The following RABGAP1L variants were observed in gnomAD, a reference collection of about 807,000 sequenced individuals.
RABGAP1L encodes the protein RAB GTPase activating protein 1 like, also known as rab GTPase-activating protein 1-like.
Under a neutral mutation model 137.7 loss-of-function variants are expected in RABGAP1L, and 63 were observed. The observed-to-expected ratio is 0.46, with a 90% CI of 0.37 to 0.56. The LOEUF (loss-of-function observed/expected upper bound fraction) is 0.56, where lower values mean the gene tolerates loss of function less well. RABGAP1L is among the 20% of genes least tolerant of loss of function. RABGAP1L has a pLI of 0.00. For synonymous variants in RABGAP1L, 431 were observed against 433.7 expected (o/e 0.99, Z 0.08); for missense variants, 1,095 against 1,244.0 (o/e 0.88, Z 1.80).
At chr1:174,341,292 A>AT (rs1681951261) in intron 11 of RABGAP1L, among the ~76,000 whole-genome samples, 1 of 152,204 alleles carries the variant, frequency 6.6e-6, no homozygotes, top group Admixed American at 6.5e-5. Context: ...CAAATTCTGA[A>AT]TGCTAATATG....
At chr1:174,553,240 CA>C (rs1666670403) in intron 13 of RABGAP1L, among the ~76,000 whole-genome samples, 1 of 152,276 alleles carries the variant, frequency 6.6e-6, no homozygotes, top group Admixed American at 6.5e-5. Flanking sequence ...AATTAGATCC[CA>C]TTTGTTGATT....
At chr1:174,716,498 G>T (rs1558012412) in intron 17 of RABGAP1L, among the ~76,000 whole-genome samples, 1 of 151,894 alleles carries the variant, frequency 6.6e-6, no homozygotes, top group African/African-American at 2.4e-5. Flanking sequence ...ATTTATCCAG[G>T]GCTTCTTAAC....
intron 3 of RABGAP1L, among the ~76,000 whole-genome samples, chr1:174,230,606 G>T (rs998291679): frequency 5.3e-5 from 8 of 152,116 alleles, no homozygotes. Flanking sequence ...AATTCCTTGT[G>T]AGTAATCTGT....
intron 13 of RABGAP1L, among the ~76,000 whole-genome samples, chr1:174,600,807 G>C (rs1227385143): frequency 6.6e-6 from 1 of 152,192 alleles, no homozygotes; most frequent in Non-Finnish European, 1.5e-5. Flanking sequence ...GGTGCAAACT[G>C]TCCGTGGATC....
chr1:174,690,736 C>G (rs1678808554), intron 15 of RABGAP1L, among the ~76,000 whole-genome samples: 1 of 150,846 alleles, frequency 6.6e-6, no homozygotes, highest in Non-Finnish European at 1.5e-5. Context: ...AGACAAATGA[C>G]TAGAAGTTTT....
intron 19 of RABGAP1L, among the ~76,000 whole-genome samples, chr1:174,885,975 TAAAAA>T (rs1482525947): frequency 6.8e-6 from 1 of 147,578 alleles, no homozygotes; most frequent in Non-Finnish European, 1.5e-5. Flanking sequence ...TCAAAAAAAA[TAAAAA>T]CAAAACGATG....
intron 17 of RABGAP1L, among the ~76,000 whole-genome samples, chr1:174,713,892 T>C (rs1222290905): frequency 6.6e-6 from 1 of 152,248 alleles, no homozygotes; most frequent in Non-Finnish European, 1.5e-5. Context: ...CCCACTTGTC[T>C]TCCTGTCATT....
intron 6 of RABGAP1L, among the ~76,000 whole-genome samples, chr1:174,251,896 C>T (rs1212758072): frequency 6.6e-6 from 1 of 150,394 alleles, no homozygotes; most frequent in South Asian, 2.1e-4. Context: ...ATCATGTTGT[C>T]ATTTTTTTTT....
Position 174,581,691 on chromosome 1 carries a change from C to T in RABGAP1L, c.1711-55684C>T, listed in dbSNP as rs545540670. On this transcript the variant is annotated intron_variant, in intron 13 of 25. Coordinates refer to ENST00000681986, the MANE Select transcript of RABGAP1L (RefSeq NM_001366446.1). Reference sequence around the variant, plus strand: ...TACGCTTTAAACGGGTAAATTTTTTCGTATGTGAATTTTATCTTAATAAAT... The same window carrying T: ...TACGCTTTAAACGGGTAAATTTTTTTGTATGTGAATTTTATCTTAATAAAT... 1.9e-4 allele frequency among the ~76,000 whole-genome samples: 29 copies of T among 152,004 alleles called. 2 individuals are homozygous for T. The South Asian group carries it at 6.0e-3, about 32-fold the overall frequency.
At chr1:174,317,741 A>G (rs960298031) in intron 11 of RABGAP1L, among the ~76,000 whole-genome samples, 5 of 152,166 alleles carry the variant, frequency 3.3e-5, no homozygotes, top group Admixed American at 6.5e-5. Flanking sequence ...CTTATGGTCT[A>G]GACTGCCTTT....
intron 13 of RABGAP1L, among the ~76,000 whole-genome samples, chr1:174,530,886 A>AT (rs898950547): frequency 2.6e-5 from 4 of 151,450 alleles, no homozygotes; most frequent in Non-Finnish European, 5.9e-5. Flanking sequence ...AGCTTGTGGA[A>AT]TTTTTTTTTA....
At chr1:174,490,561 G>C (rs139844293) in intron 13 of RABGAP1L, among the ~76,000 whole-genome samples, 1 of 152,124 alleles carries the variant, frequency 6.6e-6, no homozygotes, top group Non-Finnish European at 1.5e-5. Context: ...TCAAGGCCCA[G>C]TATAACCACT....
intron 11 of RABGAP1L, among the ~76,000 whole-genome samples, chr1:174,321,644 C>T (rs1488759532): frequency 1.3e-5 from 2 of 152,134 alleles, no homozygotes; most frequent in African/African-American, 4.8e-5. Flanking sequence ...ATATATGCTC[C>T]CATTTCACTT....
At chr1:174,541,397 G>T (rs767461314) in intron 13 of RABGAP1L, among the ~76,000 whole-genome samples, 28 of 152,108 alleles carry the variant, frequency 1.8e-4, no homozygotes, top group Non-Finnish European at 3.4e-4. Flanking sequence ...TTCTGGTTTT[G>T]GCCCATTCAG....
intron 10 of RABGAP1L, among the ~76,000 whole-genome samples, chr1:174,304,092 AT>A (rs1290316067): frequency 6.6e-6 from 1 of 152,084 alleles, no homozygotes; most frequent in Non-Finnish European, 1.5e-5. Context: ...ACGTGCTTGT[AT>A]TACTTGTTTA....
At chr1:174,896,096 T>C (rs1017665448) in intron 19 of RABGAP1L, among the ~76,000 whole-genome samples, 7 of 152,188 alleles carry the variant, frequency 4.6e-5, no homozygotes, top group African/African-American at 1.4e-4. Flanking sequence ...ACATCCTCTC[T>C]AGCACCTGTT....
At chr1:174,508,245 C>T (rs1188212748) in intron 13 of RABGAP1L, among the ~76,000 whole-genome samples, 2 of 152,048 alleles carry the variant, frequency 1.3e-5, no homozygotes. Flanking sequence ...GTTATCGACT[C>T]ATTGTTATTT....
At chr1:174,600,311 T>C (rs893921003) in intron 13 of RABGAP1L, among the ~76,000 whole-genome samples, 1 of 152,146 alleles carries the variant, frequency 6.6e-6, no homozygotes, top group Non-Finnish European at 1.5e-5. Context: ...AAACCATATC[T>C]TTCTGCCCCT....
At chr1:174,720,610 C>G (rs2148589217) in intron 17 of RABGAP1L, among the ~76,000 whole-genome samples, 1 of 152,202 alleles carries the variant, frequency 6.6e-6, no homozygotes, top group East Asian at 1.9e-4. Flanking sequence ...GCCACCGGTC[C>G]CGGCTGGTAA....
Sources: gnomAD v4.1 joint callset for allele counts (sites outside exome capture counted in the v4.1 genomes callset) on GRCh38, gnomAD v4.1.1 for gene constraint, MANE v1.5 for transcripts, NCBI Gene and HGNC (gene_info 2026-07-23, HGNC 2026-07-21) for gene names.